The following CTNNA2 variants were observed in gnomAD, a reference collection of about 807,000 sequenced individuals.
CTNNA2 encodes catenin alpha-2.
CTNNA2 carries 42 observed loss-of-function variants against 101.0 expected under a neutral mutation model. The observed-to-expected ratio is 0.42, with a 90% CI of 0.32 to 0.54. The LOEUF (loss-of-function observed/expected upper bound fraction) is 0.54, where lower values mean the gene tolerates loss of function less well. Among genes scored for constraint, CTNNA2 ranks in the 20% least tolerant of loss-of-function variants. The pLI is 0.14. For synonymous variants in CTNNA2, 450 were observed against 456.4 expected, an observed-to-expected ratio of 0.99 and a Z score of 0.18; for missense variants, 871 against 1,223.1, an observed-to-expected ratio of 0.71 and a Z score of 4.29.
At chr2:80,447,950 G>T (rs1454729060) in intron 9 of CTNNA2, among the ~76,000 whole-genome samples, 1 of 152,172 alleles carries the variant, frequency 6.6e-6, no homozygotes, top group African/African-American at 2.4e-5. Flanking sequence ...TTTGAAAGAA[G>T]AACTAGACAG....
At chr2:79,592,564 A>T (rs1212615097) in intron 1 of CTNNA2, among the ~76,000 whole-genome samples, 2 of 151,936 alleles carry the variant, frequency 1.3e-5, no homozygotes, top group Admixed American at 6.6e-5. Context: ...ATTTGTTCTT[A>T]TCTTCTCCGC....
intron 7 of CTNNA2, among the ~76,000 whole-genome samples, chr2:80,365,885 A>G (rs182303283): frequency 6.6e-6 from 1 of 152,202 alleles, no homozygotes; most frequent in African/African-American, 2.4e-5. Flanking sequence ...AGAAGAGTGC[A>G]TTTTTCCCCC....
intron 15 of CTNNA2, among the ~76,000 whole-genome samples, chr2:80,594,588 G>T (rs1364905074): frequency 6.6e-6 from 1 of 151,746 alleles, no homozygotes; most frequent in Non-Finnish European, 1.5e-5. Context: ...CAAATCCAAT[G>T]TCATGAAGTT....
rs557490815 is a variant in CTNNA2, at chr2:79,497,510, C to T, written c.-134-7544C>T. Among the ~76,000 whole-genome samples the T allele has an allele frequency of 3.3e-5, 5 of 152,332 alleles. No homozygotes were observed. In the South Asian group the frequency reaches 6.2e-4, roughly 19 times the overall value. ...TCTCTATCCCTTCCAGTTCTCTGCT[C>T]TGTACAGCGTAATGTTACATCAGAT... On this transcript the variant is annotated intron_variant, in intron 4 of 21. Transcript: ENST00000466387.
chr2:79,502,633 T>C (rs911800764), intron 4 of CTNNA2, among the ~76,000 whole-genome samples: 3 of 152,342 alleles, frequency 2.0e-5, no homozygotes, highest in African/African-American at 7.2e-5. Flanking sequence ...GGAATAATTA[T>C]GCTATTTCTA....
intron 9 of CTNNA2, among the ~76,000 whole-genome samples, chr2:80,425,447 C>T (rs1005879014): frequency 4.6e-5 from 7 of 152,270 alleles, no homozygotes; most frequent in African/African-American, 1.7e-4. Flanking sequence ...ACTGAAATAA[C>T]AAGCTTGGAG....
chr2:80,481,247 G>A (rs184771810), intron 9 of CTNNA2, among the ~76,000 whole-genome samples: 1 of 152,194 alleles, frequency 6.6e-6, no homozygotes, highest in East Asian at 1.9e-4. Flanking sequence ...CTCAAATCAT[G>A]TTTAAGTGTC....
intron 9 of CTNNA2, among the ~76,000 whole-genome samples, chr2:80,543,605 C>G (rs367561159): frequency 2.3e-4 from 35 of 152,288 alleles, no homozygotes; most frequent in African/African-American, 8.4e-4. Context: ...CTCAACCCAT[C>G]TCATGTTGCT....
At chr2:79,246,991 G>T (rs1164030533) in intron 2 of CTNNA2, among the ~76,000 whole-genome samples, 1 of 152,194 alleles carries the variant, frequency 6.6e-6, no homozygotes, top group Non-Finnish European at 1.5e-5. Flanking sequence ...TTTGCATCAT[G>T]AATCACTCAC....
At chr2:80,284,675 G>T (rs181707727) in intron 7 of CTNNA2, among the ~76,000 whole-genome samples, 1 of 152,014 alleles carries the variant, frequency 6.6e-6, no homozygotes, top group East Asian at 1.9e-4. Flanking sequence ...AATAGAGGCA[G>T]GGCAGGATTT....
At chr2:79,913,194 AC>A (rs571304160) in intron 7 of CTNNA2, among the ~76,000 whole-genome samples, 147 of 152,314 alleles carry the variant, frequency 9.7e-4, no homozygotes, top group African/African-American at 3.2e-3. Flanking sequence ...GAGTTAGAGG[AC>A]GCTGGGTAGT....
At chr2:79,715,674 A>G (rs929396518) in intron 2 of CTNNA2, among the ~76,000 whole-genome samples, 2 of 152,184 alleles carry the variant, frequency 1.3e-5, no homozygotes, top group African/African-American at 4.8e-5. Context: ...TAGGAATTAA[A>G]TTCATCAATT....
chr2:79,544,755 G>A (rs1673629038), intron 1 of CTNNA2, among the ~76,000 whole-genome samples: 1 of 152,128 alleles, frequency 6.6e-6, no homozygotes, highest in African/African-American at 2.4e-5. Flanking sequence ...ATGCTTAGCA[G>A]GTATTTAGAG....
At chr2:79,455,943 T>C (rs934639232) in intron 4 of CTNNA2, among the ~76,000 whole-genome samples, 9 of 152,284 alleles carry the variant, frequency 5.9e-5, no homozygotes, top group Non-Finnish European at 1.0e-4. Context: ...AAGTTAGACC[T>C]AGAAATATCT....
intron 2 of CTNNA2, among the ~76,000 whole-genome samples, chr2:79,732,428 C>G (rs768896239): frequency 1.1e-4 from 17 of 151,998 alleles, no homozygotes; most frequent in Middle Eastern, 3.4e-3. Flanking sequence ...GACTGGCATG[C>G]AAAGCTTTAT....
At chr2:79,950,168 T>A (rs975920831) in intron 7 of CTNNA2, among the ~76,000 whole-genome samples, 10 of 138,974 alleles carry the variant, frequency 7.2e-5, no homozygotes, top group Admixed American at 1.5e-4. Context: ...AACTAATCCT[T>A]GTATTAAGAA....
intron 3 of CTNNA2, among the ~76,000 whole-genome samples, chr2:79,819,383 T>C (rs1187827921): frequency 1.3e-5 from 2 of 152,200 alleles, no homozygotes; most frequent in African/African-American, 4.8e-5. Context: ...CTTATGGGCT[T>C]ACTTCTGTCT....
At chr2:79,830,438 G>A (rs2105423436) in intron 3 of CTNNA2, among the ~76,000 whole-genome samples, 1 of 152,220 alleles carries the variant, frequency 6.6e-6, no homozygotes, top group Non-Finnish European at 1.5e-5. Context: ...ATAGGCCAGT[G>A]GATGCCTAAA....
chr2:79,565,589 T>C (rs1325118090), intron 1 of CTNNA2, among the ~76,000 whole-genome samples: 2 of 152,152 alleles, frequency 1.3e-5, no homozygotes, highest in East Asian at 3.9e-4. Flanking sequence ...TAAGCAATTA[T>C]TCAGGAGGTA....
Sources: gnomAD v4.1 joint callset for allele counts (sites outside exome capture counted in the v4.1 genomes callset) on GRCh38, gnomAD v4.1.1 for gene constraint, MANE v1.5 for transcripts, NCBI Gene and HGNC (gene_info 2026-07-23, HGNC 2026-07-21) for gene names.